PCDHGA7: variants seen among roughly 807,000 people sequenced by gnomAD.
The protein encoded by PCDHGA7 is protocadherin gamma subfamily A, 7.
PCDHGA7 carries 44 observed loss-of-function variants against 58.3 expected under a neutral mutation model. The ratio of observed to expected loss-of-function variants is 0.75; its 90% CI spans 0.59 to 0.97. The LOEUF is 0.97. Ranked by LOEUF, PCDHGA7 falls within the 50% of genes least tolerant of loss-of-function variation. The probability of loss-of-function intolerance (pLI) is 0.00; values close to 1 mark genes in which losing one functional copy is unlikely to be tolerated. For missense variants in PCDHGA7, 1,266 were observed against 1,188.7 expected (o/e 1.06, Z -0.96); for synonymous variants, 516 against 504.2 (o/e 1.02, Z -0.31).
intron 1 of PCDHGA7, chr5:141,403,391 G>GT (rs2154533404): frequency 1.2e-6 from 2 of 1,614,046 alleles, no homozygotes; most frequent in Admixed American, 3.3e-5. Flanking sequence ...CGAAATCGCG[G>GT]TTCCTGGAGC....
intron 1 of PCDHGA7, among the ~76,000 whole-genome samples, chr5:141,481,065 A>AAAAG (rs1476331686): frequency 6.6e-6 from 1 of 152,164 alleles, no homozygotes; most frequent in African/African-American, 2.4e-5. Context: ...CTCAAAAACA[A>AAAAG]AAAGAAAGAA....
Position 141,403,639 on chromosome 5 carries a change from T to C in PCDHGA7, c.2424+18316T>C, listed in dbSNP as rs377402370. On this transcript the variant is annotated intron_variant, in intron 1 of 3. Coordinates refer to ENST00000518325, the MANE Select transcript of PCDHGA7 (RefSeq NM_018920.4). ...GTCGCTCCAGCACAGTGCGCATCCA[T>C]GTGACAGTGTTGGATACAAATGATA... 1.4e-4 allele frequency: 219 copies of C among 1,613,892 alleles called. 1 individual carries two copies. The East Asian group carries it at 4.5e-3, about 33-fold the overall frequency.
intron 3 of PCDHGA7, among the ~76,000 whole-genome samples, chr5:141,510,468 A>G (rs1246106107): frequency 2.0e-5 from 3 of 152,152 alleles, no homozygotes; most frequent in Admixed American, 2.0e-4. Flanking sequence ...TGTGGGAGTC[A>G]GAGGCTCCCT....
Position 141,502,866 on chromosome 5 carries a change from C to CTTTTTTTTTTTTT in PCDHGA7, c.2484-2525_2484-2513dup, listed in dbSNP as rs549047197. ...GAGCTGCCTAACCCTGACTCTCTGT[C>CTTTTTTTTTTTTT]TTTTTTTTTTTTTTGACAGGGAGTC... On this transcript the variant is annotated intron_variant, in intron 2 of 3. Transcript: ENST00000518325. Among the ~76,000 whole-genome samples, 40 of 128,010 alleles carry CTTTTTTTTTTTTT rather than the reference C, an allele frequency of 3.1e-4. 6 individuals carry two copies. The highest frequency in any genetic ancestry group is 5.1e-4 in the Admixed American group (6 of 11,656). 84.0% of individuals were successfully genotyped at this position (128,010 alleles called of 152,430 possible). A position where few individuals can be genotyped will look rare whatever the true frequency, so the allele number is the denominator to read the frequency against.
Position 141,486,886 on chromosome 5 carries a change from G to A in PCDHGA7, c.2425-7921G>A. The A allele has an allele frequency of 1.9e-6, 3 of 1,614,222 alleles. No individual in the cohort carries two copies. The highest frequency in any genetic ancestry group is 2.5e-6 in the Non-Finnish European group (3 of 1,180,044). ...CAGCTGTGCTCCGTCCTCGGGCCCGGCCTGGTTCCTTATGTCCCCAAGCAC... is the reference window on the plus strand; with the variant it reads ...CAGCTGTGCTCCGTCCTCGGGCCCGACCTGGTTCCTTATGTCCCCAAGCAC... On this transcript the variant is annotated intron_variant, in intron 1 of 3. Coordinates refer to ENST00000518325, the MANE Select transcript of PCDHGA7 (RefSeq NM_018920.4). This position sits in a 1 kb window ranked among gnomAD's most constrained non-coding sequence, Gnocchi z 5.0.
At chr5:141,470,242 T>C (rs1301513342) in intron 1 of PCDHGA7, among the ~76,000 whole-genome samples, 1 of 152,344 alleles carries the variant, frequency 6.6e-6, no homozygotes, top group South Asian at 2.1e-4. Flanking sequence ...CCCTTGAATG[T>C]CCCACCTGTC....
At chr5:141,461,663 G>C (rs1230719552) in intron 1 of PCDHGA7, among the ~76,000 whole-genome samples, 1 of 151,984 alleles carries the variant, frequency 6.6e-6, no homozygotes, top group Admixed American at 6.6e-5. Flanking sequence ...TTATTTTAAA[G>C]TTTGTTATTT....
rs767701229 is a variant in PCDHGA7, at chr5:141,405,417, T to TTTTTG, written c.2424+20109_2424+20113dup. 250 of 1,563,234 alleles carry TTTTTG rather than the reference T, an allele frequency of 1.6e-4. 1 individual carries two copies. Among genetic ancestry groups the TTTTTG allele is most frequent in the Admixed American group, 1.3e-4 (7 of 55,240 alleles). On this transcript the variant is annotated intron_variant, in intron 1 of 3. Coordinates refer to ENST00000518325, the MANE Select transcript of PCDHGA7 (RefSeq NM_018920.4). The stretch of plus-strand genomic sequence containing the variant: ...TTCTTTCTTTCTTTTCTTTTTTTGT[T>TTTTTG]TTTTGTTTTGTTTTGTTTTTGAGAC...
chr5:141,492,303 G>A (rs969991314), intron 1 of PCDHGA7, among the ~76,000 whole-genome samples: 1 of 152,202 alleles, frequency 6.6e-6, no homozygotes, highest in African/African-American at 2.4e-5. Context: ...GCGGACGCAC[G>A]CACGCACTCC....
rs2099641707 is a variant in PCDHGA7 at position 141,487,238 on chromosome 5, C to T, written c.2425-7569C>T. 1.2e-6 allele frequency: 2 copies of T among 1,614,056 alleles called. No individual in the cohort carries two copies. The highest frequency in any genetic ancestry group is 1.7e-6 in the Non-Finnish European group (2 of 1,180,022). On this transcript the variant is annotated intron_variant, in intron 1 of 3. Transcript: ENST00000518325. This position sits in a 1 kb window ranked among gnomAD's most constrained non-coding sequence, Gnocchi z 5.0. ...AGCTCCAAGGGAAGGAGAATCTCGT[C>T]TAACCCTCTACTTGGCTGTGTCCCT...
In PCDHGA7 at chr5:141,489,610, C is replaced by A; in HGVS notation, c.2425-5197C>A. 6.2e-7 allele frequency: 1 copy of A among 1,614,090 alleles called. No individual in the cohort carries two copies. Among genetic ancestry groups the A allele is most frequent in the Non-Finnish European group, 8.5e-7 (1 of 1,179,990 alleles). ...GCTAATCCGTGTAGAGGTAGAGATCCTGGATCTCAATGACAACTCTCCTAG... is the reference window on the plus strand; with the variant it reads ...GCTAATCCGTGTAGAGGTAGAGATCATGGATCTCAATGACAACTCTCCTAG... On this transcript the variant is annotated intron_variant, in intron 1 of 3. Transcript: ENST00000518325. The surrounding 1 kb of genome is among the most constrained non-coding windows in gnomAD (Gnocchi z 4.5).
rs563876979 is a variant in PCDHGA7, at chr5:141,417,900, G to A, written c.2424+32577G>A. 5 of 1,583,452 alleles carry A rather than the reference G, an allele frequency of 3.2e-6. No individual in the cohort carries two copies. Among genetic ancestry groups the A allele is most frequent in the South Asian group, 2.3e-5 (2 of 88,062 alleles). On this transcript the variant is annotated intron_variant, in intron 1 of 3. Coordinates refer to ENST00000518325, the MANE Select transcript of PCDHGA7 (RefSeq NM_018920.4). ...GCGCAGAGGCGCCGGGCCGGCCCGC[G>A]GCAGGTACTATTTCCTTTGCTGCTG...
Position 141,383,907 on chromosome 5 carries a change from A to T in PCDHGA7, c.1008A>T (p.Thr336=). The stretch of plus-strand genomic sequence containing the variant: ...TGACAAAGGCAAAAGTACTGATCAC[A>T]GTTTTAGATGTAAATGATAATGCTC... ...GSLTKAKVLI[T]VLDVNDNAPE... Residue 336 remains threonine (T), a synonymous_variant, in exon 1 of 4, where the codon ACA becomes ACT. Coordinates refer to ENST00000518325, the MANE Select transcript of PCDHGA7 (RefSeq NM_018920.4). The T allele has an allele frequency of 1.2e-6, 2 of 1,613,958 alleles. No homozygotes were observed. Among genetic ancestry groups the T allele is most frequent in the Non-Finnish European group, 1.7e-6 (2 of 1,179,886 alleles).
chr5:141,388,903 A>G (rs910200040), intron 1 of PCDHGA7: 14 of 1,614,010 alleles, frequency 8.7e-6, no homozygotes, highest in Non-Finnish European at 1.2e-5. Flanking sequence ...GATGAAAATG[A>G]CAACGCCCCA....
chr5:141,456,701 G>A lies in PCDHGA7; in HGVS notation c.2425-38106G>A, dbSNP rs370086323. ...CATTACTGGCCAGGCGTGGTGGCTC[G>A]CGCCTGTAATCCCAGCACTTTGGGA... On this transcript the variant is annotated intron_variant, in intron 1 of 3. Transcript: ENST00000518325. 2.3e-4 allele frequency among the ~76,000 whole-genome samples: 35 copies of A among 152,106 alleles called. No homozygotes were observed. The South Asian group carries it at 4.8e-3, about 21-fold the overall frequency.
At chr5:141,433,691 G>A (rs2097644575) in intron 1 of PCDHGA7, among the ~76,000 whole-genome samples, 1 of 152,044 alleles carries the variant, frequency 6.6e-6, no homozygotes, top group Non-Finnish European at 1.5e-5. Flanking sequence ...TACAAAATTA[G>A]CCGGGCGTGG....
intron 1 of PCDHGA7, among the ~76,000 whole-genome samples, chr5:141,459,494 G>C (rs1454297107): frequency 2.0e-5 from 3 of 152,200 alleles, no homozygotes; most frequent in African/African-American, 7.2e-5. Context: ...CTGAATTAAA[G>C]TGATGTGAAC....
intron 1 of PCDHGA7, chr5:141,399,203 G>A: frequency 6.2e-7 from 1 of 1,613,940 alleles, no homozygotes. Flanking sequence ...GCGGTGCCTG[G>A]AACACTAATT....
At chr5:141,468,701 C>A (rs1186497330) in intron 1 of PCDHGA7, 2 of 151,628 alleles carry the variant, frequency 1.3e-5, no homozygotes, top group African/African-American at 2.4e-5. Flanking sequence ...CCCGTCTCTA[C>A]TAAAAATATA....
Sources: allele counts gnomAD v4.1 joint callset (sites outside exome capture counted in the v4.1 genomes callset), GRCh38; gene constraint gnomAD v4.1.1; non-coding constraint Gnocchi (gnomAD v3.1); transcripts MANE v1.5; gene names NCBI Gene and HGNC (gene_info 2026-07-23, HGNC 2026-07-21).